Variants in HLA-DRA observed in about 807,000 individuals in gnomAD.
HLA-DRA encodes HLA class II histocompatibility antigen, DR alpha chain.
A neutral mutation model predicts 22.1 loss-of-function variants in HLA-DRA; 8 were observed. That is an observed-to-expected ratio of 0.36 (90% confidence interval 0.21 to 0.65). HLA-DRA has a LOEUF of 0.65. Among genes scored for constraint, HLA-DRA ranks in the 30% least tolerant of loss-of-function variants. HLA-DRA has a pLI of 0.63. For missense variants in HLA-DRA, 248 were observed against 321.3 expected (o/e 0.77, Z 1.74); for synonymous variants, 101 against 117.1 (o/e 0.86, Z 0.89).
chr6:32,440,467 T>C (rs1762550963), intron 1 of HLA-DRA, among the ~76,000 whole-genome samples: 2 of 152,200 alleles, frequency 1.3e-5, no homozygotes, highest in African/African-American at 2.4e-5. Context: ...CTTATCTGAA[T>C]ACATGATACA....
In HLA-DRA at chr6:32,443,965, G is replaced by A. The variant is rs745818672; in HGVS notation, c.*11+44G>A. 7 of 1,380,148 alleles carry A rather than the reference G, an allele frequency of 5.1e-6. No homozygotes were observed. In the Admixed American group the frequency reaches 1.7e-4, roughly 34 times the overall value. The allele number at this position is 1,380,148 out of a possible 1,614,324, so 85.5% of individuals were successfully genotyped here. On this transcript the variant is annotated intron_variant, in intron 4 of 4. Coordinates refer to ENST00000395388, the MANE Select transcript of HLA-DRA (RefSeq NM_019111.5). ...GAGGAAGACGTATATGGAGATATCT[G>A]AGGGAGGAAAACAGGGTGGGGAAAG...
intron 2 of HLA-DRA, 136 bp downstream of exon 2, chr6:32,442,829 C>A: frequency 9.5e-7 from 1 of 1,057,882 alleles, no homozygotes; most frequent in Non-Finnish European, 1.4e-6. Context: ...GCCCCAAATT[C>A]TCATGCCAGA....
At position 32,439,935 on chromosome 6, in the gene HLA-DRA, A is replaced by G; in HGVS notation, c.-16A>G. 1 of 1,612,702 alleles carries G rather than the reference A, an allele frequency of 6.2e-7. No individual in the cohort carries two copies. Among genetic ancestry groups the G allele is most frequent in the Non-Finnish European group, 8.5e-7 (1 of 1,178,816 alleles). On this transcript the variant is annotated 5_prime_UTR_variant, in exon 1 of 5. Transcript: ENST00000395388. The stretch of plus-strand genomic sequence containing the variant: ...CCCGAGCTCTACTGACTCCCAACAG[A>G]GCGCCCAAGAAGAAAATGGCCATAA...
chr6:32,444,628 G>A (rs550585478), intron 4 of HLA-DRA, 24 bp from the exon 5 acceptor site: 1 of 152,300 alleles, frequency 6.6e-6, no homozygotes, highest in African/African-American at 2.4e-5. Context: ...CAACTCCTTG[G>A]TAACTATGTG....
At position 32,443,552 on chromosome 6, in the gene HLA-DRA, T is replaced by A; in HGVS notation, c.610+86T>A. 2.3e-6 allele frequency: 3 copies of A among 1,283,252 alleles called. No individual in the cohort carries two copies. The South Asian group carries it at 4.0e-5, about 17-fold the overall frequency. 79.5% of individuals were successfully genotyped at this position (1,283,252 alleles called of 1,614,324 possible). A position where few individuals can be genotyped will look rare whatever the true frequency, so the allele number is the denominator to read the frequency against. On this transcript the variant is annotated intron_variant, in intron 3 of 4. Transcript: ENST00000395388. ...ACTCGGTGTTCTAACTGTTTCATAA[T>A]ATCTGCTACAATTAATATAACTGTC...
chr6:32,443,182 C>A lies in HLA-DRA; in HGVS notation c.329-3C>A, dbSNP rs1413818866. On this transcript the variant is annotated splice_polypyrimidine_tract_variant and splice_region_variant and intron_variant, in intron 2 of 4. Transcript: ENST00000395388. ...TCTGTCATGTCTGTCATGTGTCCCC[C>A]AGTACCTCCAGAGGTAACTGTGCTC... 2.5e-6 allele frequency: 4 copies of A among 1,610,860 alleles called. No homozygotes were observed. The highest frequency in any genetic ancestry group is 3.4e-6 in the Non-Finnish European group (4 of 1,178,122).
Position 32,443,766 on chromosome 6 carries a change from T to C in HLA-DRA, c.621T>C (p.Ala207=), listed in dbSNP as rs995975632. 39 of 1,595,238 alleles carry C rather than the reference T, an allele frequency of 2.4e-5. No individual in the cohort carries two copies. The highest frequency in any genetic ancestry group is 3.2e-5 in the Non-Finnish European group (38 of 1,172,520). ...CTTATTTCCCCCCAGAGTTTGATGC[T>C]CCAAGCCCTCTCCCAGAGACTACAG... is the stretch of plus-strand genomic sequence containing the variant. The part of the protein sequence containing the change: ...EPLLKHWEFD[A]PSPLPETTEN... Residue 207 remains alanine (A), a synonymous_variant, in exon 4 of 5, where the codon GCT becomes GCC. Coordinates refer to ENST00000395388, the MANE Select transcript of HLA-DRA (RefSeq NM_019111.5).
At chr6:32,441,326 C>G (rs903354410) in intron 1 of HLA-DRA, among the ~76,000 whole-genome samples, 5 of 152,202 alleles carry the variant, frequency 3.3e-5, no homozygotes, top group Non-Finnish European at 7.3e-5. Context: ...CCACTGCACT[C>G]CAGCCTGGCG....
intron 1 of HLA-DRA, 139 bp downstream of exon 1, chr6:32,440,171 A>G: frequency 1.2e-6 from 1 of 820,272 alleles, no homozygotes; most frequent in Non-Finnish European, 2.0e-6. Context: ...AAGTATAACA[A>G]ATTGTGGTTT....
intron 4 of HLA-DRA, 75 bp downstream of exon 4, chr6:32,443,996 G>GT (rs751570344): frequency 1.8e-4 from 206 of 1,137,548 alleles, no homozygotes; most frequent in Non-Finnish European, 2.4e-4. Context: ...GAAAGGAAAT[G>GT]TAATGCATTT....
intron 1 of HLA-DRA, among the ~76,000 whole-genome samples, chr6:32,441,816 T>C (rs988837275): frequency 1.3e-5 from 2 of 152,156 alleles, no homozygotes; most frequent in African/African-American, 4.8e-5. Context: ...TATTAAGAAA[T>C]TACTCACCTT....
chr6:32,440,080 G>A (rs1334091889), intron 1 of HLA-DRA, 48 bp downstream of exon 1: 1 of 1,459,908 alleles, frequency 6.8e-7, no homozygotes, highest in South Asian at 1.1e-5. Context: ...ACGAAGCATT[G>A]GAGAAAAGAC....
chr6:32,439,895 C>A lies in HLA-DRA; in HGVS notation c.-56C>A. The A allele has an allele frequency of 7.5e-7, 1 of 1,328,148 alleles. No homozygotes were observed. Among genetic ancestry groups the A allele is most frequent in the Non-Finnish European group, 1.1e-6 (1 of 919,788 alleles). 82.3% of individuals were successfully genotyped at this position (1,328,148 alleles called of 1,614,324 possible). A position where few individuals can be genotyped will look rare whatever the true frequency, so the allele number is the denominator to read the frequency against. ...ACATTCTCTTTTCTTTTATTCTTGT[C>A]TGTTCTGCCTCACTCCCGAGCTCTA... is the stretch of plus-strand genomic sequence containing the variant. On this transcript the variant is annotated 5_prime_UTR_variant, in exon 1 of 5. In the 5' UTR this introduces an upstream ATG that the reference lacks. Coordinates refer to ENST00000395388, the MANE Select transcript of HLA-DRA (RefSeq NM_019111.5).
chr6:32,443,569 A>G (rs754750691), intron 3 of HLA-DRA, 103 bp downstream of exon 3: 24 of 1,195,964 alleles, frequency 2.0e-5, no homozygotes, highest in Non-Finnish European at 2.4e-5. Context: ...TACAATTAAT[A>G]TAACTGTCTT....
intron 3 of HLA-DRA, 124 bp from the exon 4 acceptor site, chr6:32,443,632 C>A: frequency 8.7e-7 from 1 of 1,155,966 alleles, no homozygotes; most frequent in Non-Finnish European, 1.2e-6. Context: ...CTCAATACAT[C>A]ATTCTGTCTT....
chr6:32,442,440 C>G lies in HLA-DRA; in HGVS notation c.83-8C>G. 1 of 1,612,940 alleles carries G rather than the reference C, an allele frequency of 6.2e-7. No individual in the cohort carries two copies. ...CCCAACTCTCTTTCTCCATTTCTTGCCTTTCAGAAGAACATGTGATCATCC... is the reference window on the plus strand; with the variant it reads ...CCCAACTCTCTTTCTCCATTTCTTGGCTTTCAGAAGAACATGTGATCATCC... On this transcript the variant is annotated splice_polypyrimidine_tract_variant and splice_region_variant and intron_variant, in intron 1 of 4. Transcript: ENST00000395388.
At position 32,442,549 on chromosome 6, in the gene HLA-DRA, G is replaced by T. The variant is rs779773110; in HGVS notation, c.184G>T (p.Ala62Ser). 1.2e-5 allele frequency: 19 copies of T among 1,612,944 alleles called. No individual in the cohort carries two copies. Among genetic ancestry groups the T allele is most frequent in the Non-Finnish European group, 1.6e-5 (19 of 1,180,048 alleles). Residue 62 changes from alanine (A) to serine (S), a missense_variant, in exon 2 of 5, where the codon GCA becomes TCA. By Grantham distance (99) the Ala-to-Ser change is moderately conservative. Transcript: ENST00000395388. ...TGATGAGATTTTCCATGTGGATATGGCAAAGAAGGAGACGGTCTGGCGGCT... is the reference window on the plus strand; with the variant it reads ...TGATGAGATTTTCCATGTGGATATGTCAAAGAAGGAGACGGTCTGGCGGCT... ...DGDEIFHVDM[A>S]KKETVWRLEE...
rs765892661 is a variant in HLA-DRA at position 32,442,664 on chromosome 6, A to G, written c.299A>G (p.Lys100Arg). 3 of 1,613,096 alleles carry G rather than the reference A, an allele frequency of 1.9e-6. No homozygotes were observed. The highest frequency in any genetic ancestry group is 2.2e-5 in the South Asian group (2 of 91,082). The change falls in exon 2 of 5, where the codon AAG becomes AGG. Residue 100 changes from lysine (K) to arginine (R), a missense_variant. Coordinates refer to ENST00000395388, the MANE Select transcript of HLA-DRA (RefSeq NM_019111.5). ...AAAGCCAACCTGGAAATCATGACAA[A>G]GCGCTCCAACTATACTCCGATCACC... The part of the protein sequence containing the change: ...VDKANLEIMT[K>R]RSNYTPITNV...
Position 32,439,959 on chromosome 6 carries a change from A to G in HLA-DRA, c.9A>G (p.Ile3Met). 1.2e-6 allele frequency: 2 copies of G among 1,614,004 alleles called. No individual in the cohort carries two copies. Among genetic ancestry groups the G allele is most frequent in the Non-Finnish European group, 1.7e-6 (2 of 1,179,940 alleles). ...GAGCGCCCAAGAAGAAAATGGCCAT[A>G]AGTGGAGTCCCTGTGCTAGGATTTT... is the stretch of plus-strand genomic sequence containing the variant. MA[I>M]SGVPVLGFFI... Residue 3 changes from isoleucine to methionine, a missense_variant, in exon 1 of 5, where the codon ATA becomes ATG. Physicochemically the swap from Ile to Met is conservative, Grantham distance 10. Transcript: ENST00000395388.
Sources: allele counts gnomAD v4.1 joint callset (sites outside exome capture counted in the v4.1 genomes callset), GRCh38; gene constraint gnomAD v4.1.1; transcripts MANE v1.5; gene names NCBI Gene and HGNC (gene_info 2026-07-23, HGNC 2026-07-21).